SLC36A4: variants seen among roughly 807,000 people sequenced by gnomAD.
The protein encoded by SLC36A4 is solute carrier family 36 member 4.
In SLC36A4, 49 loss-of-function variants were observed where a neutral mutation model predicts 50.5. That is an observed-to-expected ratio of 0.97 (90% CI 0.77 to 1.23). SLC36A4 has a LOEUF of 1.23. Ranked by LOEUF, SLC36A4 falls within the 50% of genes most tolerant of loss-of-function variation. The pLI, the probability that SLC36A4 is intolerant of heterozygous loss-of-function variation, is 0.00. For missense variants in SLC36A4, 611 were observed against 608.4 expected (o/e 1.00, Z -0.05); for synonymous variants, 207 against 206.5 (o/e 1.00, Z -0.02).
intron 1 of SLC36A4, among the ~76,000 whole-genome samples, chr11:93,195,722 C>T (rs1294738023): frequency 1.3e-5 from 2 of 152,222 alleles, no homozygotes; most frequent in Non-Finnish European, 2.9e-5. Flanking sequence ...GCTTCAGCCA[C>T]TTTGTCCTCC....
chr11:93,172,583 C>T (rs1200943496), intron 6 of SLC36A4, among the ~76,000 whole-genome samples: 2 of 151,146 alleles, frequency 1.3e-5, no homozygotes, highest in Non-Finnish European at 1.5e-5. Flanking sequence ...TCTCCCAATG[C>T]TATCCCTCCC....
At position 93,197,984 on chromosome 11, in the gene SLC36A4, G is replaced by C; in HGVS notation, c.-152C>G. On this transcript the variant is annotated 5_prime_UTR_variant, in exon 1 of 11. Transcript: ENST00000326402. ...CGGCGCTCCCCAACCGCGCGGCGAG[G>C]AGCATGCGCAGTGGGACAGCCCGGC... 1 of 782,308 alleles carries C rather than the reference G, an allele frequency of 1.3e-6. No individual in the cohort carries two copies. The highest frequency in any genetic ancestry group is 1.8e-6 in the Non-Finnish European group (1 of 544,926). 48.5% of individuals were successfully genotyped at this position (782,308 alleles called of 1,614,324 possible).
intron 6 of SLC36A4, among the ~76,000 whole-genome samples, chr11:93,169,248 T>G (rs576302676): frequency 1.3e-5 from 2 of 152,248 alleles, no homozygotes; most frequent in African/African-American, 4.8e-5. Context: ...GATGGTAATA[T>G]TAATCCCAAT....
chr11:93,179,350 A>C (rs182586926), intron 6 of SLC36A4, among the ~76,000 whole-genome samples: 180 of 152,290 alleles, frequency 1.2e-3, no homozygotes, highest in Non-Finnish European at 2.2e-3. Context: ...TTCCTTCATA[A>C]GGCTTGCTGT....
At chr11:93,149,565 T>C (rs969386634) in intron 10 of SLC36A4, among the ~76,000 whole-genome samples, 1 of 152,064 alleles carries the variant, frequency 6.6e-6, no homozygotes, top group Non-Finnish European at 1.5e-5. Context: ...TGTGGGATTC[T>C]TGTTAAAAAT....
rs1338312238 is a variant in SLC36A4, at chr11:93,172,945, C to T, written c.541-4774G>A. ...CTTTATAGCAGCATGATTTATAGTC[C>T]TTTGGGTATATACTCAGTAATGGGA... is the stretch of plus-strand genomic sequence containing the variant. On this transcript the variant is annotated intron_variant, in intron 6 of 10. Coordinates refer to ENST00000326402, the MANE Select transcript of SLC36A4 (RefSeq NM_152313.4). Among the ~76,000 whole-genome samples, 988 of 150,562 alleles carry T rather than the reference C, an allele frequency of 6.6e-3. 4 individuals are homozygous for T. Among genetic ancestry groups the T allele is most frequent in the African/African-American group, 0.023 (935 of 40,944 alleles).
chr11:93,168,760 C>G (rs1183344423), intron 6 of SLC36A4, among the ~76,000 whole-genome samples: 1 of 151,962 alleles, frequency 6.6e-6, no homozygotes, highest in Non-Finnish European at 1.5e-5. Flanking sequence ...ATATGGTAGA[C>G]AGTACATAAA....
At chr11:93,177,963 C>T (rs1861562802) in intron 6 of SLC36A4, among the ~76,000 whole-genome samples, 1 of 152,184 alleles carries the variant, frequency 6.6e-6, no homozygotes, top group Admixed American at 6.5e-5. Flanking sequence ...TATGCCCTGC[C>T]CCCAGAGGTG....
intron 1 of SLC36A4, among the ~76,000 whole-genome samples, chr11:93,189,221 G>A (rs987169669): frequency 2.0e-5 from 3 of 151,818 alleles, no homozygotes; most frequent in Admixed American, 6.6e-5. Context: ...GCACCACCAC[G>A]CCCAGCTAAT....
chr11:93,181,583 T>C (rs1346265159), intron 5 of SLC36A4, 108 bp downstream of exon 5: 56 of 854,246 alleles, frequency 6.6e-5, no homozygotes, highest in Non-Finnish European at 1.6e-6. Flanking sequence ...TTACATATGT[T>C]TATTCCCCAA....
intron 2 of SLC36A4, 117 bp from the exon 3 acceptor site, chr11:93,184,637 AT>A: frequency 1.6e-6 from 1 of 632,724 alleles, no homozygotes; most frequent in South Asian, 2.0e-5. Flanking sequence ...ACCAAATAAC[AT>A]TTCCATCCCA....
intron 1 of SLC36A4, among the ~76,000 whole-genome samples, chr11:93,190,149 C>T (rs1268804594): frequency 1.3e-5 from 2 of 152,088 alleles, no homozygotes; most frequent in Non-Finnish European, 2.9e-5. Context: ...TTCTAGAAAA[C>T]ATTAAACATG....
chr11:93,181,611 TTA>T, intron 5 of SLC36A4, 78 bp downstream of exon 5: 1 of 1,018,800 alleles, frequency 9.8e-7, no homozygotes, highest in East Asian at 3.2e-5. Flanking sequence ...ATATTTTTAT[TTA>T]TATATATTGT....
At position 93,185,793 on chromosome 11, in the gene SLC36A4, A is replaced by G; in HGVS notation, c.77T>C (p.Leu26Ser). ...CCCATCAAAATTCTGCTCATTTATC[A>G]AGGGCCTCATTACATCCATATCTTT... ...EELDMDVMRP[L>S]INEQNFDGTS... The change falls in exon 2 of 11, where the codon TTG becomes TCG. Residue 26 changes from leucine (L) to serine (S), a missense_variant. Leu to Ser is a moderately radical substitution (Grantham distance 145, BLOSUM62 -2). Coordinates refer to ENST00000326402, the MANE Select transcript of SLC36A4 (RefSeq NM_152313.4). The G allele has an allele frequency of 6.2e-7, 1 of 1,605,992 alleles. No individual in the cohort carries two copies. Among genetic ancestry groups the G allele is most frequent in the Admixed American group, 1.7e-5 (1 of 57,946 alleles).
chr11:93,162,411 C>T (rs1313822252), intron 9 of SLC36A4, among the ~76,000 whole-genome samples: 8 of 151,920 alleles, frequency 5.3e-5, no homozygotes, highest in East Asian at 3.9e-4. Flanking sequence ...CGGGTTCAAG[C>T]GATTCTCCTG....
At position 93,162,742 on chromosome 11, in the gene SLC36A4, T is replaced by C. The variant is rs764773129; in HGVS notation, c.1001A>G (p.Lys334Arg). 6.2e-7 allele frequency: 1 copy of C among 1,612,654 alleles called. No homozygotes were observed. Reference protein sequence around the residue: ...LGYMCFHDEIKGSITLNLPQD... With the variant: ...LGYMCFHDEIRGSITLNLPQD... Reference sequence around the variant, plus strand: ...GGGAAGATTTAAAGTTATGCTGCCTTTGATTTCATCATGGAAACACATATA... The same window carrying C: ...GGGAAGATTTAAAGTTATGCTGCCTCTGATTTCATCATGGAAACACATATA... Residue 334 changes from lysine (K) to arginine (R), a missense_variant, in exon 9 of 11, where the codon AAA (lysine) becomes AGA (arginine). Transcript: ENST00000326402.
chr11:93,163,569 A>T (rs1340030489), intron 8 of SLC36A4, among the ~76,000 whole-genome samples: 1 of 152,166 alleles, frequency 6.6e-6, no homozygotes, highest in African/African-American at 2.4e-5. Flanking sequence ...ATCACACGTT[A>T]TTAACATGGT....
At chr11:93,170,080 A>G (rs1225167440) in intron 6 of SLC36A4, 1 of 152,102 alleles carries the variant, frequency 6.6e-6, no homozygotes, top group African/African-American at 2.4e-5. Flanking sequence ...AGGATTAAAA[A>G]ATAAAATAAA....
chr11:93,166,229 C>G, intron 7 of SLC36A4: 2 of 1,284,520 alleles, frequency 1.6e-6, no homozygotes, highest in Non-Finnish European at 2.0e-6. Context: ...TCCCTCATGC[C>G]CATACATTCC....
Sources: allele counts gnomAD v4.1 joint callset (sites outside exome capture counted in the v4.1 genomes callset), GRCh38; gene constraint gnomAD v4.1.1; transcripts MANE v1.5; gene names NCBI Gene and HGNC (gene_info 2026-07-23, HGNC 2026-07-21).